The following CRACD variants were observed in gnomAD, a reference collection of about 807,000 sequenced individuals.
CRACD encodes the protein capping protein-inhibiting regulator of actin dynamics.
CRACD carries 56 observed loss-of-function variants against 106.8 expected under a neutral mutation model. The ratio of observed to expected loss-of-function variants is 0.52; its 90% CI spans 0.42 to 0.66. The LOEUF is 0.66. Ranked by LOEUF, CRACD falls within the 30% of genes least tolerant of loss-of-function variation. The pLI, the probability that CRACD is intolerant of heterozygous loss-of-function variation, is 0.00. For synonymous variants in CRACD, 754 were observed against 670.8 expected (o/e 1.12, Z -1.92); for missense variants, 1,730 against 1,623.2 (o/e 1.07, Z -1.13).
intron 2 of CRACD, among the ~76,000 whole-genome samples, chr4:56,188,680 T>TCA (rs1246036600): frequency 1.8e-5 from 2 of 110,006 alleles, no homozygotes; most frequent in African/African-American, 9.4e-5. Context: ...TCTCTCTCTC[T>TCA]CTCTCTCACA....
rs762630145 is a variant in CRACD at position 56,315,752 on chromosome 4, G to C, written c.2250G>C (p.Met750Ile). 3 of 1,614,214 alleles carry C rather than the reference G, an allele frequency of 1.9e-6. No homozygotes were observed. The highest frequency in any genetic ancestry group is 2.2e-5 in the South Asian group (2 of 91,090). Reference protein sequence around the residue: ...TEAESIRKRPMLGPSEETAPQ... With the variant: ...TEAESIRKRPILGPSEETAPQ... ...CTGAAAGCATACGAAAAAGACCCAT[G>C]CTGGGACCCAGCGAAGAGACAGCCC... The change falls in exon 8 of 11, where the codon ATG becomes ATC. Residue 750 changes from methionine (M) to isoleucine (I), a missense_variant. Coordinates refer to ENST00000682029, the MANE Select transcript of CRACD (RefSeq NM_001393381.1). The surrounding 1 kb of genome is among the most constrained non-coding windows in gnomAD (Gnocchi z 4.1).
At chr4:56,176,988 A>G (rs902288457) in intron 1 of CRACD, among the ~76,000 whole-genome samples, 1 of 152,208 alleles carries the variant, frequency 6.6e-6, no homozygotes, top group Admixed American at 6.5e-5. Context: ...TAAATGTAAG[A>G]TAATGTCATC....
intron 2 of CRACD, among the ~76,000 whole-genome samples, chr4:56,254,998 C>T (rs1368912548): frequency 1.3e-5 from 2 of 150,922 alleles, no homozygotes; most frequent in Non-Finnish European, 2.9e-5. Context: ...CCTATAGTCC[C>T]AGCTACTCGG....
chr4:56,101,455 G>A (rs540639365), intron 1 of CRACD, among the ~76,000 whole-genome samples: 79 of 152,156 alleles, frequency 5.2e-4, no homozygotes, highest in African/African-American at 1.8e-3. Context: ...GTATATCTTT[G>A]TACTTTTATT....
chr4:56,149,160 C>G (rs113700927), intron 1 of CRACD, among the ~76,000 whole-genome samples: 149 of 152,278 alleles, frequency 9.8e-4, no homozygotes, highest in African/African-American at 3.4e-3. Context: ...TATATTCTGT[C>G]CATGGCAAGA....
intron 2 of CRACD, among the ~76,000 whole-genome samples, chr4:56,189,504 C>T (rs1277070435): frequency 6.7e-6 from 1 of 148,802 alleles, no homozygotes; most frequent in Admixed American, 6.8e-5. Context: ...CCCATTAACT[C>T]GTCATTTAGC....
At chr4:56,071,753 C>G (rs1377078801) in intron 1 of CRACD, among the ~76,000 whole-genome samples, 1 of 151,976 alleles carries the variant, frequency 6.6e-6, no homozygotes, top group African/African-American at 2.4e-5. Context: ...TCAGGTGATT[C>G]ACCCACCTCG....
At position 56,324,232 on chromosome 4, in the gene CRACD, G is replaced by A. The variant is rs1560544295; in HGVS notation, c.3507G>A (p.Leu1169=). The stretch of plus-strand genomic sequence containing the variant: ...CCAGGCTTGAGCGCAGAGAACAGCT[G>A]AAAAAGGCCAATACTCTTCCTACGT... ...AVSRLERREQ[L]KKANTLPTSV... is the part of the protein sequence containing the mutation. Residue 1169 remains leucine, a synonymous_variant, in exon 10 of 11, where the codon CTG becomes CTA. Transcript: ENST00000682029. 3 of 1,614,054 alleles carry A rather than the reference G, an allele frequency of 1.9e-6. No individual in the cohort carries two copies. Among genetic ancestry groups the A allele is most frequent in the Non-Finnish European group, 2.5e-6 (3 of 1,179,934 alleles).
intron 2 of CRACD, among the ~76,000 whole-genome samples, chr4:56,264,284 A>G (rs978485250): frequency 4.6e-5 from 7 of 152,096 alleles, no homozygotes; most frequent in Non-Finnish European, 7.4e-5. Flanking sequence ...GAGCTAAATC[A>G]TATCACTCCC....
intron 1 of CRACD, among the ~76,000 whole-genome samples, chr4:56,115,812 G>A (rs73817338): frequency 0.038 from 5,745 of 152,274 alleles, 370 homozygotes; most frequent in African/African-American, 0.13. Flanking sequence ...CAAATCATTT[G>A]TCATAAATGT....
chr4:56,195,426 A>C (rs1357177677), intron 2 of CRACD, among the ~76,000 whole-genome samples: 1 of 152,132 alleles, frequency 6.6e-6, no homozygotes, highest in Non-Finnish European at 1.5e-5. Context: ...ATCCTAGAAA[A>C]AGTGTAAGAA....
chr4:56,280,879 T>C (rs1412811907), intron 3 of CRACD, among the ~76,000 whole-genome samples: 1 of 152,224 alleles, frequency 6.6e-6, no homozygotes, highest in Non-Finnish European at 1.5e-5. Flanking sequence ...TTGCTGCGTT[T>C]CAGAGGATGA....
At chr4:56,289,054 A>G (rs1030552123) in intron 3 of CRACD, among the ~76,000 whole-genome samples, 2 of 152,256 alleles carry the variant, frequency 1.3e-5, no homozygotes, top group African/African-American at 4.8e-5. Flanking sequence ...ATTTAAAGGA[A>G]GTACCTGAAA....
intron 1 of CRACD, among the ~76,000 whole-genome samples, chr4:56,110,531 A>G (rs1479952301): frequency 6.6e-6 from 1 of 152,148 alleles, no homozygotes; most frequent in African/African-American, 2.4e-5. Context: ...ATTTGAGCAT[A>G]TTAGGAGTCT....
chr4:56,187,682 A>AT (rs917731143), intron 2 of CRACD, among the ~76,000 whole-genome samples: 1 of 151,670 alleles, frequency 6.6e-6, no homozygotes, highest in African/African-American at 2.4e-5. Context: ...AAATAAATAA[A>AT]TTTTTTTTTC....
chr4:56,286,525 CAAAAAAAAAAAAAA>C (rs61498428), intron 3 of CRACD, among the ~76,000 whole-genome samples: 1 of 89,382 alleles, frequency 1.1e-5, no homozygotes, highest in African/African-American at 4.0e-5. Flanking sequence ...GACTCCGTCT[CAAAAAAAAAAAAAA>C]AAAAAAAAGA....
intron 1 of CRACD, among the ~76,000 whole-genome samples, chr4:56,057,256 C>T (rs954710432): frequency 1.3e-5 from 2 of 152,182 alleles, no homozygotes; most frequent in Non-Finnish European, 2.9e-5. Context: ...GTAGTCTCTC[C>T]CTGCTAATAG....
Position 56,315,282 on chromosome 4 carries a change from A to G in CRACD, c.1780A>G (p.Thr594Ala). 1 of 1,612,662 alleles carries G rather than the reference A, an allele frequency of 6.2e-7. No homozygotes were observed. Among genetic ancestry groups the G allele is most frequent in the Non-Finnish European group, 8.5e-7 (1 of 1,179,644 alleles). The stretch of plus-strand genomic sequence containing the variant: ...ACCGTCGTCCCTGAGCGTTCCCCAC[A>G]CCGCCATTCTGGTCACGGGCGCGCA... Reference protein sequence around the residue: ...ALPSSLSVPHTAILVTGAQLC... With the variant: ...ALPSSLSVPHAAILVTGAQLC... Residue 594 changes from threonine (T) to alanine (A), a missense_variant, in exon 8 of 11, where the codon ACC (threonine) becomes GCC (alanine). Thr to Ala is a moderately conservative substitution (Grantham distance 58). Around this residue, in one of 5 missense-constraint regions of CRACD, gnomAD observed 1,620 missense variants for 1,481.6 expected, o/e 1.09. Coordinates refer to ENST00000682029, the MANE Select transcript of CRACD (RefSeq NM_001393381.1). The surrounding 1 kb of genome is among the most constrained non-coding windows in gnomAD (Gnocchi z 4.1).
At chr4:56,164,221 A>G (rs1474275199) in intron 1 of CRACD, among the ~76,000 whole-genome samples, 1 of 145,990 alleles carries the variant, frequency 6.8e-6, no homozygotes, top group Non-Finnish European at 1.5e-5. Flanking sequence ...TGCAAGCTCC[A>G]CCTCCCAGGT....
Sources: allele counts gnomAD v4.1 joint callset (sites outside exome capture counted in the v4.1 genomes callset), GRCh38; gene constraint gnomAD v4.1.1; regional missense constraint gnomAD v4.1.1; non-coding constraint Gnocchi (gnomAD v3.1); transcripts MANE v1.5; gene names NCBI Gene and HGNC (gene_info 2026-07-23, HGNC 2026-07-21).